The following COL25A1 variants were observed in gnomAD, a reference collection of about 807,000 sequenced individuals.
COL25A1 encodes collagen alpha-1(XXV) chain.
A neutral mutation model predicts 128.4 loss-of-function variants in COL25A1; 103 were observed. The ratio of observed to expected loss-of-function variants is 0.80; its 90% CI spans 0.68 to 0.94. COL25A1 has a LOEUF of 0.94. Ranked by LOEUF, COL25A1 falls within the 40% of genes least tolerant of loss-of-function variation. The probability of loss-of-function intolerance (pLI) is 0.00; values close to 1 mark genes in which losing one functional copy is unlikely to be tolerated. For synonymous variants in COL25A1, 279 were observed against 277.2 expected (o/e 1.01, Z -0.06); for missense variants, 745 against 840.0 (o/e 0.89, Z 1.40).
At chr4:109,079,984 CTAA>C (rs1347827216) in intron 3 of COL25A1, among the ~76,000 whole-genome samples, 3 of 152,022 alleles carry the variant, frequency 2.0e-5, no homozygotes, top group Non-Finnish European at 4.4e-5. Context: ...GGTGTTTATA[CTAA>C]TATCAGTTGA....
intron 3 of COL25A1, among the ~76,000 whole-genome samples, chr4:109,201,912 T>G (rs965138145): frequency 1.3e-5 from 2 of 152,018 alleles, no homozygotes; most frequent in Non-Finnish European, 2.9e-5. Context: ...AAGATACAAA[T>G]CTAATAAAAT....
At chr4:109,260,879 G>T (rs1464777781) in intron 3 of COL25A1, among the ~76,000 whole-genome samples, 7 of 152,012 alleles carry the variant, frequency 4.6e-5, no homozygotes, top group South Asian at 2.1e-4. Flanking sequence ...AAAGAAAAAA[G>T]ATTTTCAAAA....
intron 3 of COL25A1, among the ~76,000 whole-genome samples, chr4:109,226,656 C>T (rs1451974910): frequency 6.6e-6 from 1 of 152,018 alleles, no homozygotes; most frequent in Non-Finnish European, 1.5e-5. Flanking sequence ...TCCCTAAAAT[C>T]ATAATCCTAA....
intron 31 of COL25A1, among the ~76,000 whole-genome samples, chr4:108,836,949 T>G (rs1276447562): frequency 6.6e-6 from 1 of 152,060 alleles, no homozygotes; most frequent in African/African-American, 2.4e-5. Flanking sequence ...CATGGTGGCA[T>G]GCACCTGTAG....
chr4:109,276,701 G>C (rs1722885447), intron 3 of COL25A1, among the ~76,000 whole-genome samples: 1 of 152,116 alleles, frequency 6.6e-6, no homozygotes, highest in Non-Finnish European at 1.5e-5. Flanking sequence ...GGTCTAGGCA[G>C]GAATTGCTCT....
chr4:108,966,734 C>A (rs899628933), intron 8 of COL25A1, among the ~76,000 whole-genome samples: 14 of 151,760 alleles, frequency 9.2e-5, no homozygotes, highest in Non-Finnish European at 1.6e-4. Context: ...GCCTGTAGTC[C>A]CAGCTATTCG....
rs780677963 is a variant in COL25A1 at position 108,817,394 on chromosome 4, T to G, written c.1962+3A>C. On this transcript the variant is annotated splice_donor_region_variant and intron_variant, in intron 37 of 37. Coordinates refer to ENST00000399132, the MANE Select transcript of COL25A1 (RefSeq NM_198721.4). ...TTTTGAGAAATTATTCAGTAAAGCCTACCTTTTGCCAACAGCCAGGCATGG... is the reference window on the plus strand; with the variant it reads ...TTTTGAGAAATTATTCAGTAAAGCCGACCTTTTGCCAACAGCCAGGCATGG... The G allele has an allele frequency of 8.7e-6, 14 of 1,613,176 alleles. No individual in the cohort carries two copies. Among genetic ancestry groups the G allele is most frequent in the Non-Finnish European group, 4.2e-6 (5 of 1,179,364 alleles).
At chr4:108,838,150 C>T in intron 31 of COL25A1, 1 of 1,550,366 alleles carries the variant, frequency 6.5e-7, no homozygotes, top group Non-Finnish European at 8.7e-7. Flanking sequence ...ACCCTTCAAT[C>T]CTTTAACACC....
At chr4:109,279,647 A>G (rs1477731801) in intron 3 of COL25A1, among the ~76,000 whole-genome samples, 2 of 152,232 alleles carry the variant, frequency 1.3e-5, no homozygotes, top group African/African-American at 4.8e-5. Context: ...GAAAAGTAAA[A>G]TGTTTATAAA....
chr4:108,971,353 A>G (rs1242673411), intron 8 of COL25A1, among the ~76,000 whole-genome samples: 1 of 152,208 alleles, frequency 6.6e-6, no homozygotes, highest in Admixed American at 6.5e-5. Flanking sequence ...CTTTTATGGA[A>G]TATAGGACCT....
intron 5 of COL25A1, chr4:109,021,779 C>A: frequency 2.2e-6 from 1 of 453,348 alleles, no homozygotes; most frequent in Non-Finnish European, 4.4e-6. Flanking sequence ...TTCCTGGGGG[C>A]AGGTCTATAA....
At chr4:109,281,483 T>C (rs973284910) in intron 3 of COL25A1, among the ~76,000 whole-genome samples, 3 of 152,040 alleles carry the variant, frequency 2.0e-5, no homozygotes, top group African/African-American at 7.2e-5. Flanking sequence ...AAAGAACAGT[T>C]ATTTTGACAT....
At chr4:109,022,618 T>C (rs1018255962) in intron 5 of COL25A1, among the ~76,000 whole-genome samples, 1 of 152,206 alleles carries the variant, frequency 6.6e-6, no homozygotes, top group African/African-American at 2.4e-5. Context: ...AAATGCATCA[T>C]AATTTTCATA....
chr4:109,290,680 G>A (rs780354891), intron 3 of COL25A1, among the ~76,000 whole-genome samples: 3 of 152,010 alleles, frequency 2.0e-5, no homozygotes, highest in Non-Finnish European at 4.4e-5. Context: ...TGTATCAGGG[G>A]CGTCCAATCT....
intron 5 of COL25A1, among the ~76,000 whole-genome samples, chr4:109,031,439 A>C (rs537813722): frequency 1.7e-4 from 26 of 152,244 alleles, no homozygotes; most frequent in Middle Eastern, 3.4e-3. Context: ...TTTTTTAAAA[A>C]AAAAGAATTT....
chr4:109,191,665 T>A (rs1775634422), intron 3 of COL25A1, among the ~76,000 whole-genome samples: 1 of 152,242 alleles, frequency 6.6e-6, no homozygotes, highest in Non-Finnish European at 1.5e-5. Context: ...CTTTATTGAA[T>A]GCTGATAGTG....
chr4:108,820,247 G>A (rs1731641580), intron 35 of COL25A1, among the ~76,000 whole-genome samples: 1 of 152,154 alleles, frequency 6.6e-6, no homozygotes, highest in Non-Finnish European at 1.5e-5. Flanking sequence ...GCCAGCCAGT[G>A]GCAGATGAAG....
chr4:109,116,886 T>C lies in COL25A1; in HGVS notation c.368-66707A>G, dbSNP rs533533614. On this transcript the variant is annotated intron_variant, in intron 3 of 37. Transcript: ENST00000399132. Reference sequence around the variant, plus strand: ...ATGAAGAATGCCTTGATGGACTCAGTAGCAGACAGGACATGGCTGAGGAGA... The same window carrying C: ...ATGAAGAATGCCTTGATGGACTCAGCAGCAGACAGGACATGGCTGAGGAGA... 2.0e-4 allele frequency among the ~76,000 whole-genome samples: 30 copies of C among 152,114 alleles called. No individual in the cohort carries two copies. In the South Asian group the frequency reaches 6.0e-3, roughly 30 times the overall value.
intron 3 of COL25A1, among the ~76,000 whole-genome samples, chr4:109,291,703 G>A (rs1455047741): frequency 1.3e-5 from 2 of 151,844 alleles, no homozygotes; most frequent in Non-Finnish European, 2.9e-5. Context: ...AAAAATATAA[G>A]GGAAGAAATT....
Sources: gnomAD v4.1 joint callset for allele counts (sites outside exome capture counted in the v4.1 genomes callset) on GRCh38, gnomAD v4.1.1 for gene constraint, MANE v1.5 for transcripts, NCBI Gene and HGNC (gene_info 2026-07-23, HGNC 2026-07-21) for gene names.